The following LRBA variants were observed in gnomAD, a reference collection of about 807,000 sequenced individuals.
The protein encoded by LRBA is lipopolysaccharide-responsive and beige-like anchor protein.
Under a neutral mutation model 330.0 loss-of-function variants are expected in LRBA, and 176 were observed. That is an observed-to-expected ratio of 0.53 (90% CI 0.47 to 0.60). LRBA has a LOEUF of 0.60. Ranked by LOEUF, LRBA falls within the 20% of genes least tolerant of loss-of-function variation. The pLI, the probability that LRBA is intolerant of heterozygous loss-of-function variation, is 0.00. For missense variants in LRBA, 3,259 were observed against 3,444.8 expected, an observed-to-expected ratio of 0.95 and a Z score of 1.35; for synonymous variants, 1,230 against 1,193.0, an observed-to-expected ratio of 1.03 and a Z score of -0.64.
At chr4:150,503,423 G>A (rs894924047) in intron 40 of LRBA, among the ~76,000 whole-genome samples, 1 of 152,200 alleles carries the variant, frequency 6.6e-6, no homozygotes, top group Non-Finnish European at 1.5e-5. Flanking sequence ...AGCCACCGCT[G>A]CTGACACCCA....
chr4:150,393,456 T>C (rs74434615), intron 47 of LRBA, among the ~76,000 whole-genome samples: 1 of 151,592 alleles, frequency 6.6e-6, no homozygotes, highest in African/African-American at 2.4e-5. Flanking sequence ...TCCCTCCTTC[T>C]CCTCACCTCT....
intron 38 of LRBA, among the ~76,000 whole-genome samples, chr4:150,592,969 A>G (rs1328662734): frequency 6.6e-6 from 1 of 152,100 alleles, no homozygotes; most frequent in African/African-American, 2.4e-5. Flanking sequence ...AAATATACTT[A>G]CAATTAACCA....
intron 47 of LRBA, among the ~76,000 whole-genome samples, chr4:150,397,330 G>A (rs1325375216): frequency 6.6e-6 from 1 of 152,112 alleles, no homozygotes; most frequent in African/African-American, 2.4e-5. Context: ...CTGGTCTGGA[G>A]TGCAGTGACA....
chr4:150,534,902 G>C (rs1340745244), intron 40 of LRBA, among the ~76,000 whole-genome samples: 2 of 152,106 alleles, frequency 1.3e-5, no homozygotes, highest in Non-Finnish European at 1.5e-5. Flanking sequence ...ATGTGACAGA[G>C]GTTTTGTTTC....
At chr4:150,944,028 T>C (rs573263043) in intron 2 of LRBA, among the ~76,000 whole-genome samples, 1 of 152,320 alleles carries the variant, frequency 6.6e-6, no homozygotes, top group East Asian at 1.9e-4. Flanking sequence ...GTCATGTAAG[T>C]AACCCTGAAA....
intron 20 of LRBA, among the ~76,000 whole-genome samples, chr4:150,868,841 GAC>G: frequency 6.6e-6 from 1 of 152,190 alleles, no homozygotes; most frequent in East Asian, 1.9e-4. Context: ...AGGAGGGTGA[GAC>G]AGGTGAATCG....
chr4:150,651,650 C>G (rs1779720103), intron 37 of LRBA, among the ~76,000 whole-genome samples: 1 of 150,946 alleles, frequency 6.6e-6, no homozygotes, highest in South Asian at 2.1e-4. Flanking sequence ...ATAAAGCCAT[C>G]AATAAATATT....
chr4:150,786,411 T>A (rs1363884625), intron 34 of LRBA, among the ~76,000 whole-genome samples: 1 of 151,986 alleles, frequency 6.6e-6, no homozygotes, highest in Non-Finnish European at 1.5e-5. Context: ...GCCCAGCTAA[T>A]TTTTGCATTT....
intron 38 of LRBA, among the ~76,000 whole-genome samples, chr4:150,591,610 C>CG (rs1320552886): frequency 1.3e-5 from 2 of 152,054 alleles, no homozygotes; most frequent in African/African-American, 2.4e-5. Context: ...TAAGGCACCC[C>CG]GGGGGCAAAC....
At chr4:151,014,110 C>A (rs2149681211) in intron 2 of LRBA, 1 of 220,620 alleles carries the variant, frequency 4.5e-6, no homozygotes, top group Non-Finnish European at 8.9e-6. Flanking sequence ...CAGACTTAGG[C>A]ATACAAGCCA....
chr4:150,411,819 G>A (rs1390619844), intron 47 of LRBA, among the ~76,000 whole-genome samples: 3 of 152,170 alleles, frequency 2.0e-5, no homozygotes, highest in Admixed American at 2.0e-4. Flanking sequence ...AAAGGTCACA[G>A]ATCAAAGTAG....
At chr4:150,749,091 T>C (rs990525834) in intron 35 of LRBA, among the ~76,000 whole-genome samples, 2 of 152,092 alleles carry the variant, frequency 1.3e-5, no homozygotes, top group African/African-American at 4.8e-5. Context: ...GGCACTTACC[T>C]TACATCATAT....
rs1373167225 is a variant in LRBA, at chr4:150,906,418, A to T, written c.1494-13T>A. 11 of 1,400,510 alleles carry T rather than the reference A, an allele frequency of 7.9e-6. No homozygotes were observed. Among genetic ancestry groups the T allele is most frequent in the African/African-American group, 1.4e-5 (1 of 70,450 alleles). The allele number at this position is 1,400,510 out of a possible 1,614,324, so 86.8% of individuals were successfully genotyped here. A position where few individuals can be genotyped will look rare whatever the true frequency, so the allele number is the denominator to read the frequency against. ...CAGCAAGGTTGAACTAGAATTTTTT[A>T]AAAAGGCGATGATTAAAAAAACATA... On this transcript the variant is annotated splice_polypyrimidine_tract_variant and intron_variant, in intron 11 of 56. Transcript: ENST00000651943.
chr4:150,472,416 A>G (rs1195612837), intron 42 of LRBA, among the ~76,000 whole-genome samples: 2 of 152,142 alleles, frequency 1.3e-5, no homozygotes, highest in Non-Finnish European at 2.9e-5. Context: ...ACCACAAAAA[A>G]CAAGGTAATT....
At chr4:150,692,047 C>T (rs944323399) in intron 36 of LRBA, among the ~76,000 whole-genome samples, 1 of 152,128 alleles carries the variant, frequency 6.6e-6, no homozygotes, top group African/African-American at 2.4e-5. Context: ...GAATTGACCA[C>T]AGTGGATCAC....
chr4:150,340,219 C>G (rs1383522928), intron 48 of LRBA, among the ~76,000 whole-genome samples: 2 of 152,128 alleles, frequency 1.3e-5, no homozygotes, highest in African/African-American at 4.8e-5. Context: ...CTCATAGCAG[C>G]ATGAGAACAG....
intron 47 of LRBA, among the ~76,000 whole-genome samples, chr4:150,368,380 G>T (rs1739795021): frequency 6.6e-6 from 1 of 152,022 alleles, no homozygotes; most frequent in Non-Finnish European, 1.5e-5. Context: ...GAAAATGAAA[G>T]GTTGTTTTAT....
chr4:150,698,685 T>A (rs1043398369), intron 36 of LRBA, among the ~76,000 whole-genome samples: 2 of 152,208 alleles, frequency 1.3e-5, no homozygotes, highest in Non-Finnish European at 2.9e-5. Context: ...TGGTCTTCCT[T>A]TATCCCACCA....
chr4:150,452,421 A>C (rs1193957090), intron 44 of LRBA, among the ~76,000 whole-genome samples: 3 of 152,184 alleles, frequency 2.0e-5, no homozygotes, highest in Non-Finnish European at 4.4e-5. Flanking sequence ...CAGGAGATGG[A>C]GACCATCCTG....
Sources: gnomAD v4.1 joint callset for allele counts (sites outside exome capture counted in the v4.1 genomes callset) on GRCh38, gnomAD v4.1.1 for gene constraint, MANE v1.5 for transcripts, NCBI Gene and HGNC (gene_info 2026-07-23, HGNC 2026-07-21) for gene names.